SPAG16: variants seen among roughly 807,000 people sequenced by gnomAD.
The protein encoded by SPAG16 is sperm-associated antigen 16 protein.
SPAG16 carries 86 observed loss-of-function variants against 80.4 expected under a neutral mutation model. That is an observed-to-expected ratio of 1.07 (90% confidence interval 0.90 to 1.28). The LOEUF is 1.28. Ranked by LOEUF, SPAG16 falls within the 50% of genes most tolerant of loss-of-function variation. The pLI is 0.00. For synonymous variants in SPAG16, 294 were observed against 265.9 expected, an observed-to-expected ratio of 1.11 and a Z score of -1.03; for missense variants, 870 against 765.3, an observed-to-expected ratio of 1.14 and a Z score of -1.61.
At chr2:214,360,232 A>C (rs1442907333) in intron 15 of SPAG16, among the ~76,000 whole-genome samples, 2 of 151,906 alleles carry the variant, frequency 1.3e-5, no homozygotes, top group African/African-American at 4.8e-5. Flanking sequence ...AATTTTAAAG[A>C]TCAACATTAT....
intron 11 of SPAG16, among the ~76,000 whole-genome samples, chr2:213,925,327 T>C (rs1270755095): frequency 6.6e-6 from 1 of 151,380 alleles, no homozygotes; most frequent in Non-Finnish European, 1.5e-5. Context: ...AGTTGGAACA[T>C]TAATACTTGT....
intron 10 of SPAG16, among the ~76,000 whole-genome samples, chr2:213,639,259 G>A (rs2062494552): frequency 6.6e-6 from 1 of 152,156 alleles, no homozygotes; most frequent in African/African-American, 2.4e-5. Flanking sequence ...ATTGAGATAT[G>A]AGGTACTATT....
chr2:213,587,352 C>T (rs1270233061), intron 10 of SPAG16, among the ~76,000 whole-genome samples: 1 of 152,092 alleles, frequency 6.6e-6, no homozygotes, highest in Non-Finnish European at 1.5e-5. Flanking sequence ...CCTGGGTCAG[C>T]CATACCTGGG....
rs750408056 is a variant in SPAG16, at chr2:214,410,243, G to C, written c.1824G>C (p.Thr608=). Residue 608 remains threonine (T), a synonymous_variant, in exon 16 of 16, where the codon ACG becomes ACC. Coordinates refer to ENST00000331683, the MANE Select transcript of SPAG16 (RefSeq NM_024532.5). The part of the protein sequence containing the change: ...KLMGHENEAH[T]VVFSHDGEIL... ...TGGGCCACGAAAACGAGGCACACACGGTTGTGTTTTCTCACGACGGGGAGA... is the reference window on the plus strand; with the variant it reads ...TGGGCCACGAAAACGAGGCACACACCGTTGTGTTTTCTCACGACGGGGAGA... The C allele has an allele frequency of 5.0e-6, 8 of 1,611,926 alleles. No homozygotes were observed. The Admixed American group carries it at 6.7e-5, about 13-fold the overall frequency.
chr2:213,491,806 C>T (rs1222735817), intron 10 of SPAG16, among the ~76,000 whole-genome samples: 3 of 152,194 alleles, frequency 2.0e-5, no homozygotes, highest in Non-Finnish European at 4.4e-5. Context: ...TTTGGAAAGA[C>T]AGCTGTCCTG....
intron 15 of SPAG16, among the ~76,000 whole-genome samples, chr2:214,404,749 T>TTA (rs2126152336): frequency 6.6e-6 from 1 of 152,186 alleles, no homozygotes; most frequent in Admixed American, 6.5e-5. Flanking sequence ...GAAATGAATT[T>TTA]TATTACAGTT....
At chr2:213,366,796 T>A (rs1205379029) in intron 8 of SPAG16, among the ~76,000 whole-genome samples, 1 of 152,192 alleles carries the variant, frequency 6.6e-6, no homozygotes, top group Non-Finnish European at 1.5e-5. Context: ...AATCTTTTTT[T>A]TTTAATTATA....
intron 1 of SPAG16, among the ~76,000 whole-genome samples, chr2:213,290,267 G>A (rs1326384431): frequency 6.6e-6 from 1 of 152,202 alleles, no homozygotes; most frequent in Non-Finnish European, 1.5e-5. Context: ...ATTCCTTCCA[G>A]AGCAAATGCA....
At chr2:213,968,629 C>A (rs545772628) in intron 12 of SPAG16, among the ~76,000 whole-genome samples, 1 of 152,248 alleles carries the variant, frequency 6.6e-6, no homozygotes, top group Admixed American at 6.5e-5. Flanking sequence ...TATTTCAGTT[C>A]TTTTCTCTTA....
intron 10 of SPAG16, among the ~76,000 whole-genome samples, chr2:213,638,440 G>C (rs2062455045): frequency 6.6e-6 from 1 of 152,046 alleles, no homozygotes; most frequent in South Asian, 2.1e-4. Flanking sequence ...TGTCATGTTT[G>C]ATAGGTTGTA....
chr2:213,389,991 T>C (rs1324285030), intron 9 of SPAG16, among the ~76,000 whole-genome samples: 2 of 152,154 alleles, frequency 1.3e-5, no homozygotes, highest in Non-Finnish European at 2.9e-5. Flanking sequence ...TCAGTGTTCA[T>C]TGGCAGCTGA....
intron 15 of SPAG16, among the ~76,000 whole-genome samples, chr2:214,282,123 T>C (rs1027763751): frequency 6.6e-6 from 1 of 152,176 alleles, no homozygotes; most frequent in Admixed American, 6.5e-5. Context: ...TGTTAAAACA[T>C]TGAATTGTAC....
At chr2:213,310,823 A>G (rs2063157549) in intron 4 of SPAG16, among the ~76,000 whole-genome samples, 1 of 151,718 alleles carries the variant, frequency 6.6e-6, no homozygotes, top group Admixed American at 6.6e-5. Context: ...GTTTCCTGAC[A>G]TTGTTTAAAT....
chr2:214,304,357 C>T (rs192058021), intron 15 of SPAG16, among the ~76,000 whole-genome samples: 24 of 152,236 alleles, frequency 1.6e-4, no homozygotes, highest in Admixed American at 9.8e-4. Context: ...AACACCTGGC[C>T]GCCCAGGGCA....
At chr2:213,440,525 A>C (rs536475754) in intron 9 of SPAG16, among the ~76,000 whole-genome samples, 272 of 152,306 alleles carry the variant, frequency 1.8e-3, no homozygotes, top group Non-Finnish European at 3.1e-3. Flanking sequence ...ACTGTGCTCC[A>C]GCTTGGGTGA....
chr2:214,151,083 C>T (rs2055952843), intron 15 of SPAG16, among the ~76,000 whole-genome samples: 1 of 152,022 alleles, frequency 6.6e-6, no homozygotes, highest in Non-Finnish European at 1.5e-5. Context: ...CTGACCTTCC[C>T]ATCCCTTTGA....
At chr2:213,465,888 G>A (rs1179606410) in intron 9 of SPAG16, among the ~76,000 whole-genome samples, 1 of 152,172 alleles carries the variant, frequency 6.6e-6, no homozygotes, top group East Asian at 1.9e-4. Context: ...AGTATGCAAA[G>A]TATTGTTCCT....
chr2:213,611,349 C>G (rs895896993), intron 10 of SPAG16, among the ~76,000 whole-genome samples: 38 of 152,100 alleles, frequency 2.5e-4, no homozygotes, highest in African/African-American at 8.7e-4. Flanking sequence ...CATTGGTAAG[C>G]ATGTATTAAT....
chr2:214,405,793 A>T (rs1378272605), intron 15 of SPAG16, among the ~76,000 whole-genome samples: 1 of 152,206 alleles, frequency 6.6e-6, no homozygotes, highest in Non-Finnish European at 1.5e-5. Context: ...GTGAAACTCC[A>T]TCTCAAAAAT....
Sources: allele counts gnomAD v4.1 joint callset (sites outside exome capture counted in the v4.1 genomes callset), GRCh38; gene constraint gnomAD v4.1.1; transcripts MANE v1.5; gene names NCBI Gene and HGNC (gene_info 2026-07-23, HGNC 2026-07-21).